The following NCALD variants were observed in gnomAD, a reference collection of about 807,000 sequenced individuals.
NCALD encodes the protein neurocalcin delta, also known as neurocalcin-delta.
A neutral mutation model predicts 18.6 loss-of-function variants in NCALD; 10 were observed. That is an observed-to-expected ratio of 0.54 (90% CI 0.33 to 0.91). The LOEUF (loss-of-function observed/expected upper bound fraction) is 0.91. Among genes scored for constraint, NCALD ranks in the 40% least tolerant of loss-of-function variants. NCALD has a pLI of 0.03. For synonymous variants in NCALD, 88 were observed against 87.4 expected, an observed-to-expected ratio of 1.01 and a Z score of -0.04; for missense variants, 184 against 247.6, an observed-to-expected ratio of 0.74 and a Z score of 1.72.
chr8:101,788,278 C>T (rs528776795), intron 1 of NCALD, among the ~76,000 whole-genome samples: 1 of 152,128 alleles, frequency 6.6e-6, no homozygotes, highest in Non-Finnish European at 1.5e-5. Context: ...TTCAAGAGGG[C>T]CTGGGGAACT....
chr8:101,975,627 G>A (rs547073102), intron 2 of NCALD, among the ~76,000 whole-genome samples: 51 of 152,164 alleles, frequency 3.4e-4, no homozygotes, highest in Non-Finnish European at 6.3e-4. Flanking sequence ...AGACCTCTAC[G>A]ATTTAAGGTT....
At chr8:101,965,994 CAACAT>C (rs2131871891) in intron 2 of NCALD, among the ~76,000 whole-genome samples, 1 of 151,894 alleles carries the variant, frequency 6.6e-6, no homozygotes, top group African/African-American at 2.4e-5. Flanking sequence ...TGTTAATAAA[CAACAT>C]AAATGTTTTA....
At chr8:101,834,809 T>G (rs1282559195) in intron 4 of NCALD, among the ~76,000 whole-genome samples, 1 of 152,196 alleles carries the variant, frequency 6.6e-6, no homozygotes, top group Non-Finnish European at 1.5e-5. Context: ...CTATCCTACA[T>G]GTAGGCCAAC....
At position 101,753,777 on chromosome 8, in the gene NCALD, G is replaced by C. The variant is rs115186849; in HGVS notation, c.-19-34129C>G. Among the ~76,000 whole-genome samples the C allele has an allele frequency of 9.1e-3, 1,386 of 152,282 alleles. 20 individuals carry two copies. The highest frequency in any genetic ancestry group is 0.031 in the African/African-American group (1,288 of 41,562). On this transcript the variant is annotated intron_variant, in intron 1 of 3. Coordinates refer to ENST00000220931, the MANE Select transcript of NCALD (RefSeq NM_032041.3). ...ACTGATGCAGCCAATGTATCACTCT[G>C]AGGTGGGTGAGTCAACCAAGAACTG...
intron 1 of NCALD, among the ~76,000 whole-genome samples, chr8:102,061,515 A>G (rs1823847734): frequency 6.6e-6 from 1 of 152,208 alleles, no homozygotes; most frequent in African/African-American, 2.4e-5. Context: ...TAAATCTGAA[A>G]TGGGCTTTGC....
intron 4 of NCALD, among the ~76,000 whole-genome samples, chr8:101,884,383 A>G (rs1180842825): frequency 1.3e-5 from 2 of 152,178 alleles, no homozygotes; most frequent in Non-Finnish European, 2.9e-5. Context: ...TCCTATCCCT[A>G]TTAATATCCC....
chr8:101,712,562 G>A (rs1390435818), intron 2 of NCALD, among the ~76,000 whole-genome samples: 3 of 86,678 alleles, frequency 3.5e-5, no homozygotes, highest in Non-Finnish European at 7.0e-5. Flanking sequence ...AGGGATGGAG[G>A]AAGATTTACC....
intron 2 of NCALD, among the ~76,000 whole-genome samples, chr8:101,990,630 C>T (rs1296650234): frequency 6.6e-6 from 1 of 152,196 alleles, no homozygotes; most frequent in Non-Finnish European, 1.5e-5. Context: ...GTTTTCTTCT[C>T]TTGTCTGCCT....
At chr8:101,699,944 G>T (rs575698160) in intron 2 of NCALD, among the ~76,000 whole-genome samples, 1 of 152,208 alleles carries the variant, frequency 6.6e-6, no homozygotes, top group East Asian at 1.9e-4. Context: ...CTAGTCATTT[G>T]TAAATTATTT....
Position 101,942,207 on chromosome 8 carries a change from A to G in NCALD, c.-156-26349T>C, listed in dbSNP as rs1480133326. 2.0e-5 allele frequency among the ~76,000 whole-genome samples: 3 copies of G among 152,238 alleles called. No homozygotes were observed. The East Asian group carries it at 5.8e-4, about 29-fold the overall frequency. On this transcript the variant is annotated intron_variant, in intron 2 of 6. Coordinates refer to the NCALD transcript ENST00000311028. ...ATGTTCTGACTGCACTTGGTAACCC[A>G]TATGAGACAATGAGGAGAGGCAGAT... is the stretch of plus-strand genomic sequence containing the variant.
At chr8:102,057,985 A>G (rs1823714303) in intron 1 of NCALD, among the ~76,000 whole-genome samples, 2 of 152,240 alleles carry the variant, frequency 1.3e-5, no homozygotes, top group South Asian at 4.1e-4. Context: ...AGTATTCAAT[A>G]AATATCAGCT....
At chr8:101,789,252 A>G (rs1398607072) in intron 1 of NCALD, among the ~76,000 whole-genome samples, 2 of 152,190 alleles carry the variant, frequency 1.3e-5, no homozygotes, top group African/African-American at 4.8e-5. Context: ...CATATAAATT[A>G]TCATTTTTCT....
chr8:101,915,234 A>C (rs1817932713), intron 3 of NCALD, among the ~76,000 whole-genome samples: 1 of 152,220 alleles, frequency 6.6e-6, no homozygotes, highest in African/African-American at 2.4e-5. Flanking sequence ...CCATATTTGG[A>C]GCTAACCACA....
chr8:102,033,411 G>T (rs919002613), intron 1 of NCALD, among the ~76,000 whole-genome samples: 1 of 152,094 alleles, frequency 6.6e-6, no homozygotes, highest in Non-Finnish European at 1.5e-5. Context: ...TAATACATGG[G>T]TCAGAGAATC....
chr8:101,933,932 CT>C (rs2131718808), intron 2 of NCALD, among the ~76,000 whole-genome samples: 1 of 152,190 alleles, frequency 6.6e-6, no homozygotes, highest in South Asian at 2.1e-4. Context: ...ATGATAGTGG[CT>C]TGGATAGGAC....
chr8:101,894,930 A>G (rs1817092951), intron 3 of NCALD, among the ~76,000 whole-genome samples: 1 of 151,066 alleles, frequency 6.6e-6, no homozygotes, highest in South Asian at 2.1e-4. Context: ...ATTCTACCAG[A>G]GGTACAAGGA....
chr8:102,045,799 G>T lies in NCALD; in HGVS notation c.-209-25510C>A, dbSNP rs1823218392. ...ACTTCATTTCACTTTTTAAATGTTG[G>T]TCATGACCCACTAAACTGATTCCAT... On this transcript the variant is annotated intron_variant, in intron 1 of 6. Coordinates refer to the NCALD transcript ENST00000311028. Among the ~76,000 whole-genome samples the T allele has an allele frequency of 2.0e-5, 3 of 151,950 alleles. No homozygotes were observed. The South Asian group carries it at 6.3e-4, about 32-fold the overall frequency.
chr8:102,006,079 T>C (rs1452800508), intron 2 of NCALD, among the ~76,000 whole-genome samples: 1 of 152,100 alleles, frequency 6.6e-6, no homozygotes, highest in African/African-American at 2.4e-5. Flanking sequence ...AAAAGCACTG[T>C]TTTATCCAAA....
chr8:102,091,566 C>A (rs1824924254), intron 1 of NCALD, among the ~76,000 whole-genome samples: 1 of 152,226 alleles, frequency 6.6e-6, no homozygotes, highest in Admixed American at 6.5e-5. Context: ...TTGGCCAGTT[C>A]ATGGAAAGCC....
Sources: gnomAD v4.1 joint callset for allele counts (sites outside exome capture counted in the v4.1 genomes callset) on GRCh38, gnomAD v4.1.1 for gene constraint, MANE v1.5 for transcripts, NCBI Gene and HGNC (gene_info 2026-07-23, HGNC 2026-07-21) for gene names.